The following MIB1 variants were observed in gnomAD, a reference collection of about 807,000 sequenced individuals.
The protein encoded by MIB1 is E3 ubiquitin-protein ligase MIB1.
In MIB1, 278 loss-of-function variants were observed where a neutral mutation model predicts 124.5. That is an observed-to-expected ratio of 2.23 (90% CI 2.02 to 2.47). MIB1 has a LOEUF of 2.47. MIB1 is among the 30% of genes most tolerant of loss of function. The pLI, the probability that MIB1 is intolerant of heterozygous loss-of-function variation, is 0.00. For synonymous variants in MIB1, 446 were observed against 429.4 expected (o/e 1.04, Z -0.48); for missense variants, 957 against 1,254.4 (o/e 0.76, Z 3.58).
intron 18 of MIB1, among the ~76,000 whole-genome samples, chr18:21,855,267 C>T (rs1402139419): frequency 6.6e-6 from 1 of 152,146 alleles, no homozygotes; most frequent in Non-Finnish European, 1.5e-5. Context: ...TAATGTAGTT[C>T]GTCCAGTACC....
At position 21,791,390 on chromosome 18, in the gene MIB1, G is replaced by T; in HGVS notation, c.925G>T (p.Ala309Ser). 1 of 1,611,818 alleles carries T rather than the reference G, an allele frequency of 6.2e-7. No homozygotes were observed. The highest frequency in any genetic ancestry group is 8.5e-7 in the Non-Finnish European group (1 of 1,178,924). ...CTCTTGTAGGTGGACCTTCAATCCTGCTGTTCTCACTAAAGCGAACATTGT... is the reference window on the plus strand; with the variant it reads ...CTCTTGTAGGTGGACCTTCAATCCTTCTGTTCTCACTAAAGCGAACATTGT... ...PSGNRWTFNP[A>S]VLTKANIVRS... The change falls in exon 7 of 21, where the codon GCT becomes TCT. Residue 309 changes from alanine to serine, a missense_variant. Transcript: ENST00000261537.
intron 13 of MIB1, among the ~76,000 whole-genome samples, chr18:21,841,133 A>G (rs2042085150): frequency 6.6e-6 from 1 of 152,174 alleles, no homozygotes; most frequent in Admixed American, 6.5e-5. Flanking sequence ...TGGGAGGCTG[A>G]GACGGGTAGA....
chr18:21,796,871 G>C (rs1269496219), intron 7 of MIB1, among the ~76,000 whole-genome samples: 1 of 152,198 alleles, frequency 6.6e-6, no homozygotes, highest in Non-Finnish European at 1.5e-5. Flanking sequence ...ACAGAGGGCT[G>C]ACGAGTTATT....
At chr18:21,850,325 A>G (rs1476516434) in intron 17 of MIB1, among the ~76,000 whole-genome samples, 1 of 151,852 alleles carries the variant, frequency 6.6e-6, no homozygotes, top group Admixed American at 6.5e-5. Context: ...TTGGTTTTGA[A>G]GTAAAAACTC....
chr18:21,708,036 C>T (rs953051141), intron 1 of MIB1, among the ~76,000 whole-genome samples: 1 of 152,146 alleles, frequency 6.6e-6, no homozygotes, highest in African/African-American at 2.4e-5. Context: ...CATAGGGACC[C>T]TGTCCTCATT....
chr18:21,841,702 C>T (rs1329313011), intron 13 of MIB1, among the ~76,000 whole-genome samples: 4 of 152,002 alleles, frequency 2.6e-5, no homozygotes, highest in Non-Finnish European at 4.4e-5. Context: ...TCATGTGACT[C>T]AGCTATCCCA....
chr18:21,790,382 A>G (rs538568937), intron 6 of MIB1, among the ~76,000 whole-genome samples: 4 of 152,382 alleles, frequency 2.6e-5, no homozygotes, highest in African/African-American at 7.2e-5. Context: ...AGTTAAGTAC[A>G]TTAGTGTATA....
At chr18:21,806,234 TG>T (rs1017076109) in intron 10 of MIB1, among the ~76,000 whole-genome samples, 6 of 151,622 alleles carry the variant, frequency 4.0e-5, no homozygotes, top group Non-Finnish European at 8.8e-5. Flanking sequence ...TACAGGGTCT[TG>T]CTCTGCCCTG....
chr18:21,774,921 T>TTTTATATATTTA (rs2041264040), intron 4 of MIB1, among the ~76,000 whole-genome samples: 1 of 138,258 alleles, frequency 7.2e-6, no homozygotes, highest in Non-Finnish European at 1.5e-5. Flanking sequence ...TTTATTTCCA[T>TTTTATATATTTA]TTTATTTATT....
In MIB1 at chr18:21,735,688, G is replaced by T. The variant is rs2959529; in HGVS notation, n.168-30084G>T. Among the ~76,000 whole-genome samples, 367 of 152,294 alleles carry T rather than the reference G, an allele frequency of 2.4e-3. 2 individuals are homozygous for T. Among genetic ancestry groups the T allele is most frequent in the African/African-American group, 8.4e-3 (348 of 41,568 alleles). ...ACCTGAGATGCTCAAGCTTGGTCGG[G>T]GGGAGGGGCATCCGCCATTGCTGAG... On this transcript the variant is annotated intron_variant and non_coding_transcript_variant, in intron 1 of 20. Coordinates refer to the MIB1 transcript ENST00000578646.
intron 1 of MIB1, 126 bp from the exon 2 acceptor site, chr18:21,765,646 A>G (rs2041148295): frequency 1.2e-6 from 1 of 850,246 alleles, no homozygotes; most frequent in South Asian, 1.8e-5. Flanking sequence ...TTAAATTTGA[A>G]GTGTTATTTC....
intron 10 of MIB1, among the ~76,000 whole-genome samples, chr18:21,806,834 G>T (rs575338235): frequency 7.9e-5 from 12 of 151,372 alleles, no homozygotes; most frequent in African/African-American, 2.9e-4. Context: ...TGTTAGCCAG[G>T]ATGGTCTCCA....
At chr18:21,802,702 A>G (rs764755431) in intron 9 of MIB1, among the ~76,000 whole-genome samples, 2 of 152,130 alleles carry the variant, frequency 1.3e-5, no homozygotes, top group East Asian at 3.8e-4. Context: ...TTGTTCTTCT[A>G]TAAGAGGGGA....
chr18:21,792,615 CA>C (rs1226557760), intron 7 of MIB1, among the ~76,000 whole-genome samples: 11 of 151,926 alleles, frequency 7.2e-5, no homozygotes, highest in Non-Finnish European at 1.6e-4. Context: ...GTGAACAAAA[CA>C]AAAAAATAAA....
At chr18:21,785,218 C>T (rs762202861) in intron 6 of MIB1, among the ~76,000 whole-genome samples, 12 of 151,944 alleles carry the variant, frequency 7.9e-5, no homozygotes, top group Non-Finnish European at 1.5e-4. Context: ...CACTCCTTAC[C>T]CTGCCCCCTT....
Position 21,740,909 on chromosome 18 carries a change from C to CG in MIB1, c.-675_-674insG, listed in dbSNP as rs2040840798. ...GCCGAGGATCCCCCTCCTAGACACTCTGAGAAGGTGCCGCTCCGGCCTTGG... is the reference window on the plus strand; with the variant it reads ...GCCGAGGATCCCCCTCCTAGACACTCGTGAGAAGGTGCCGCTCCGGCCTTGG... On this transcript the variant is annotated 5_prime_UTR_variant, in exon 1 of 21. Coordinates refer to ENST00000261537, the MANE Select transcript of MIB1 (RefSeq NM_020774.4). 6.6e-6 allele frequency among the ~76,000 whole-genome samples: 1 copy of CG among 152,262 alleles called. No homozygotes were observed. Among genetic ancestry groups the CG allele is most frequent in the Non-Finnish European group, 1.5e-5 (1 of 68,046 alleles).
chr18:21,707,099 A>G (rs575712605), intron 1 of MIB1, among the ~76,000 whole-genome samples: 6 of 151,970 alleles, frequency 3.9e-5, no homozygotes, highest in Non-Finnish European at 8.8e-5. Context: ...GTATCTAGCT[A>G]ATCTGGTGGG....
intron 1 of MIB1, among the ~76,000 whole-genome samples, chr18:21,726,487 G>T (rs959688056): frequency 6.6e-6 from 1 of 152,138 alleles, no homozygotes; most frequent in Non-Finnish European, 1.5e-5. Context: ...ATCTTGTCCT[G>T]AATTTGTGTA....
intron 1 of MIB1, among the ~76,000 whole-genome samples, chr18:21,711,313 ACT>A (rs1568173742): frequency 6.6e-6 from 1 of 151,568 alleles, no homozygotes; most frequent in African/African-American, 2.4e-5. Flanking sequence ...ATGGAGTCTC[ACT>A]CTGTCACAAA....
Sources: gnomAD v4.1 joint callset for allele counts (sites outside exome capture counted in the v4.1 genomes callset) on GRCh38, gnomAD v4.1.1 for gene constraint, MANE v1.5 for transcripts, NCBI Gene and HGNC (gene_info 2026-07-23, HGNC 2026-07-21) for gene names.